Variants in EPB41L3 observed in about 807,000 individuals in gnomAD.
The protein encoded by EPB41L3 is erythrocyte membrane protein band 4.1 like 3.
In EPB41L3, 57 loss-of-function variants were observed where a neutral mutation model predicts 127.1. The observed-to-expected ratio is 0.45, with a 90% CI of 0.36 to 0.56. EPB41L3 has a LOEUF of 0.56. EPB41L3 is among the 20% of genes least tolerant of loss of function. The probability of loss-of-function intolerance (pLI) is 0.00; values close to 1 mark genes in which losing one functional copy is unlikely to be tolerated. For synonymous variants in EPB41L3, 572 were observed against 549.5 expected (o/e 1.04, Z -0.57); for missense variants, 1,273 against 1,372.2 (o/e 0.93, Z 1.14).
chr18:5,435,192 TA>T (rs1254263604), intron 6 of EPB41L3, among the ~76,000 whole-genome samples: 1 of 152,164 alleles, frequency 6.6e-6, no homozygotes, highest in Admixed American at 6.5e-5. Flanking sequence ...TCAAAAAGTT[TA>T]AAAAGTAAAA....
At chr18:5,537,343 T>C (rs995695709) in intron 1 of EPB41L3, among the ~76,000 whole-genome samples, 2 of 152,154 alleles carry the variant, frequency 1.3e-5, no homozygotes, top group Non-Finnish European at 2.9e-5. Flanking sequence ...TTTTCTACCT[T>C]AAACAATCCA....
chr18:5,422,478 T>C (rs2145177514), intron 11 of EPB41L3, among the ~76,000 whole-genome samples: 1 of 152,304 alleles, frequency 6.6e-6, no homozygotes, highest in African/African-American at 2.4e-5. Flanking sequence ...TTTTTATTTA[T>C]GTTTTTCCTT....
At chr18:5,395,746 C>G (rs1218846127) in intron 19 of EPB41L3, 39 bp from the exon 20 acceptor site, 2 of 1,506,410 alleles carry the variant, frequency 1.3e-6, no homozygotes, top group East Asian at 4.5e-5. Context: ...TCCAGGTGCT[C>G]ACATCTGCTC....
chr18:5,603,838 C>A (rs2094616667), intron 3 of EPB41L3, among the ~76,000 whole-genome samples: 1 of 151,910 alleles, frequency 6.6e-6, no homozygotes, highest in Non-Finnish European at 1.5e-5. Flanking sequence ...TGCACTCCAG[C>A]CTGGGTAACA....
intron 3 of EPB41L3, among the ~76,000 whole-genome samples, chr18:5,573,913 C>CTT (rs749608391): frequency 3.5e-5 from 5 of 141,454 alleles, no homozygotes; most frequent in Admixed American, 7.1e-5. Flanking sequence ...ATATATATAC[C>CTT]TTTTTTTTTT....
At chr18:5,579,977 A>G (rs2094376075) in intron 3 of EPB41L3, among the ~76,000 whole-genome samples, 1 of 152,212 alleles carries the variant, frequency 6.6e-6, no homozygotes, top group Non-Finnish European at 1.5e-5. Context: ...AGTGCAACCT[A>G]TAAGGCATGA....
At chr18:5,558,243 G>C (rs1171473146) in intron 3 of EPB41L3, among the ~76,000 whole-genome samples, 1 of 152,118 alleles carries the variant, frequency 6.6e-6, no homozygotes, top group East Asian at 1.9e-4. Context: ...AATGCACTCT[G>C]ATACATTTGT....
At chr18:5,451,086 C>CT (rs951770880) in intron 3 of EPB41L3, among the ~76,000 whole-genome samples, 1 of 152,168 alleles carries the variant, frequency 6.6e-6, no homozygotes, top group African/African-American at 2.4e-5. Flanking sequence ...CGAATCATTC[C>CT]TTCTTCATTT....
chr18:5,583,645 A>G (rs1046768811), intron 3 of EPB41L3, among the ~76,000 whole-genome samples: 5 of 152,218 alleles, frequency 3.3e-5, no homozygotes, highest in African/African-American at 1.2e-4. Context: ...TGTGAAAATG[A>G]TTCATATATT....
chr18:5,478,875 T>G (rs1352294504), intron 2 of EPB41L3, among the ~76,000 whole-genome samples: 5 of 152,238 alleles, frequency 3.3e-5, no homozygotes, highest in Non-Finnish European at 7.3e-5. Context: ...ATATACAAGA[T>G]ATCTGATAAA....
intron 8 of EPB41L3, among the ~76,000 whole-genome samples, chr18:5,432,546 T>C (rs539016050): frequency 2.0e-5 from 3 of 152,326 alleles, no homozygotes; most frequent in South Asian, 4.1e-4. Context: ...ACATTTTACA[T>C]GTTTTGCTAA....
At chr18:5,592,154 ATTTTGTTAAT>A (rs2094491742) in intron 3 of EPB41L3, among the ~76,000 whole-genome samples, 1 of 152,140 alleles carries the variant, frequency 6.6e-6, no homozygotes, top group Non-Finnish European at 1.5e-5. Context: ...AGTCTTTATT[ATTTTGTTAAT>A]TTTTAAATTT....
chr18:5,413,521 T>C (rs1232680010), intron 13 of EPB41L3, among the ~76,000 whole-genome samples: 1 of 152,166 alleles, frequency 6.6e-6, no homozygotes, highest in Non-Finnish European at 1.5e-5. Flanking sequence ...AAAACGAAAG[T>C]GACAAGGCTG....
intron 1 of EPB41L3, among the ~76,000 whole-genome samples, chr18:5,623,514 C>T (rs1426736892): frequency 6.6e-6 from 1 of 152,062 alleles, no homozygotes; most frequent in Non-Finnish European, 1.5e-5. Flanking sequence ...AATTTGAAGG[C>T]TATTGTATAT....
rs552796603 is a variant in EPB41L3 at position 5,473,664 on chromosome 18, C to T, written c.381+4577G>A. ...ATGAGATGAGTGAGAGGACTGTTAC[C>T]TCCATTGCATGGAACAGAGATATTT... On this transcript the variant is annotated intron_variant, in intron 3 of 22. Coordinates refer to ENST00000341928, the MANE Select transcript of EPB41L3 (RefSeq NM_012307.5). Among the ~76,000 whole-genome samples the T allele has an allele frequency of 2.6e-4, 40 of 152,138 alleles. No individual in the cohort carries two copies. The East Asian group carries it at 7.3e-3, about 28-fold the overall frequency.
At chr18:5,528,183 T>C (rs2093296378) in intron 1 of EPB41L3, among the ~76,000 whole-genome samples, 1 of 151,758 alleles carries the variant, frequency 6.6e-6, no homozygotes, top group African/African-American at 2.4e-5. Flanking sequence ...ATTTTATTTA[T>C]TTGAGACAGG....
At chr18:5,544,151 C>G (rs113451037), upstream of EPB41L3, 6 of 985,506 alleles carry the variant, frequency 6.1e-6, no homozygotes, top group African/African-American at 5.2e-5. Context: ...GCCCTCCCAG[C>G]CGCGGGGGAG....
intron 20 of EPB41L3, among the ~76,000 whole-genome samples, 179 bp downstream of exon 20, chr18:5,395,429 AC>A (rs1350914938): frequency 6.6e-6 from 1 of 152,226 alleles, no homozygotes; most frequent in African/African-American, 2.4e-5. Context: ...GGGAACTCGC[AC>A]GTGAGGACAA....
chr18:5,621,447 C>G lies in EPB41L3; in HGVS notation c.-467-7024G>C, dbSNP rs573062481. On this transcript the variant is annotated intron_variant, in intron 1 of 21. Coordinates refer to the EPB41L3 transcript ENST00000545076. ...TGTATCCACTATGAACTAAAGTGCT[C>G]TTTTAAAAACCAGATCAAAGCAGGT... 7.7e-4 allele frequency among the ~76,000 whole-genome samples: 118 copies of G among 152,280 alleles called. 1 individual carries two copies. Among genetic ancestry groups the G allele is most frequent in the African/African-American group, 2.6e-3 (109 of 41,568 alleles).
Sources: allele counts gnomAD v4.1 joint callset (sites outside exome capture counted in the v4.1 genomes callset), GRCh38; gene constraint gnomAD v4.1.1; transcripts MANE v1.5; gene names NCBI Gene and HGNC (gene_info 2026-07-23, HGNC 2026-07-21).